AP3B2: variants seen among roughly 807,000 people sequenced by gnomAD.
The protein encoded by AP3B2 is adaptor related protein complex 3 subunit beta 2.
A neutral mutation model predicts 126.9 loss-of-function variants in AP3B2; 50 were observed. The observed-to-expected ratio is 0.39, with a 90% CI of 0.31 to 0.50. AP3B2 has a LOEUF of 0.50. Ranked by LOEUF, AP3B2 falls within the 20% of genes least tolerant of loss-of-function variation. The pLI is 0.79. For synonymous variants in AP3B2, 541 were observed against 565.0 expected (o/e 0.96, Z 0.60); for missense variants, 1,177 against 1,426.4 (o/e 0.83, Z 2.82).
chr15:82,669,455 A>T (rs556403220), intron 14 of AP3B2, among the ~76,000 whole-genome samples: 107 of 152,274 alleles, frequency 7.0e-4, no homozygotes, highest in African/African-American at 2.4e-3. Flanking sequence ...GCACTTTGGG[A>T]GGCCGAGGCA....
Position 82,680,597 on chromosome 15 carries a change from T to C in AP3B2, c.930A>G (p.Lys310=), listed in dbSNP as rs762083707. Residue 310 remains lysine (K), a synonymous_variant, in exon 8 of 27, where the codon AAA becomes AAG. Transcript: ENST00000535359. This position sits in a 1 kb window ranked among gnomAD's most constrained non-coding sequence, Gnocchi z 6.1. The part of the protein sequence containing the change: ...PDHRLLLRNT[K]PLLQSRSAAV... ...CGGCGCTGCGGCTCTGCAGCAGGGG[T>C]TTGGTGTTGCGCAGCAGCAGCCGGT... 3 of 1,593,972 alleles carry C rather than the reference T, an allele frequency of 1.9e-6. No individual in the cohort carries two copies. The South Asian group carries it at 3.3e-5, about 18-fold the overall frequency.
In AP3B2 at chr15:82,663,438, T is replaced by C. The variant is rs534204657; in HGVS notation, c.2497+122A>G. On this transcript the variant is annotated intron_variant, in intron 21 of 26. Coordinates refer to ENST00000535359, the MANE Select transcript of AP3B2 (RefSeq NM_001278512.2). ...TGCTGCCCTCTCAGGCCTGAAGATA[T>C]GTTCTGTCTGCTCCCCTGCTCCCAC... 7.0e-4 allele frequency: 834 copies of C among 1,196,072 alleles called. 8 individuals carry two copies. In the South Asian group the frequency reaches 0.01, roughly 15 times the overall value. The allele number at this position is 1,196,072 out of a possible 1,614,324, so 74.1% of individuals were successfully genotyped here. A position where few individuals can be genotyped will look rare whatever the true frequency, so the allele number is the denominator to read the frequency against.
At chr15:82,682,644 G>A (rs1409038094) in intron 4 of AP3B2, among the ~76,000 whole-genome samples, 1 of 151,792 alleles carries the variant, frequency 6.6e-6, no homozygotes, top group East Asian at 1.9e-4. Flanking sequence ...TGAGCCCAGG[G>A]AGTTGGAGGC....
chr15:82,659,457 T>G lies in AP3B2; in HGVS notation c.*103A>C. The G allele has an allele frequency of 5.5e-6, 8 of 1,453,240 alleles. No individual in the cohort carries two copies. Among genetic ancestry groups the G allele is most frequent in the Non-Finnish European group, 6.6e-6 (7 of 1,060,964 alleles). 90.0% of individuals were successfully genotyped at this position (1,453,240 alleles called of 1,614,324 possible). ...AGGACACCCTGAATGCTATCTGGCATGAGGAGGATGATGAGAGAGAGAGAG... is the reference window on the plus strand; with the variant it reads ...AGGACACCCTGAATGCTATCTGGCAGGAGGAGGATGATGAGAGAGAGAGAG... On this transcript the variant is annotated 3_prime_UTR_variant, in exon 27 of 27. Coordinates refer to ENST00000535359, the MANE Select transcript of AP3B2 (RefSeq NM_001278512.2).
intron 25 of AP3B2, among the ~76,000 whole-genome samples, chr15:82,660,504 C>T (rs1367738226): frequency 6.6e-6 from 1 of 152,184 alleles, no homozygotes; most frequent in Non-Finnish European, 1.5e-5. Context: ...AGCTCCAGAC[C>T]TAGCCAGGGC....
chr15:82,672,601 AAG>A (rs1328613602), intron 14 of AP3B2, among the ~76,000 whole-genome samples: 3 of 152,330 alleles, frequency 2.0e-5, no homozygotes, highest in Admixed American at 6.5e-5. Flanking sequence ...ATAAATAACT[AAG>A]AGAGTGTAAT....
chr15:82,685,571 C>T (rs1226938735), intron 4 of AP3B2: 1 of 152,202 alleles, frequency 6.6e-6, no homozygotes, highest in African/African-American at 2.4e-5. Flanking sequence ...GAAGGAGTCT[C>T]TGTTTTCTTA....
chr15:82,664,948 A>G lies in AP3B2; in HGVS notation c.2029-5T>C. The G allele has an allele frequency of 1.3e-6, 2 of 1,592,630 alleles. No homozygotes were observed. The highest frequency in any genetic ancestry group is 1.7e-6 in the Non-Finnish European group (2 of 1,165,796). ...GCACTTGGTCCATTCAGGTACCTGG[A>G]GATGGGGGTAGGGTGCAGGGTCATT... On this transcript the variant is annotated splice_polypyrimidine_tract_variant and splice_region_variant and intron_variant, in intron 17 of 26. Coordinates refer to ENST00000535359, the MANE Select transcript of AP3B2 (RefSeq NM_001278512.2). This position sits in a 1 kb window ranked among gnomAD's most constrained non-coding sequence, Gnocchi z 4.5.
intron 1 of AP3B2, among the ~76,000 whole-genome samples, chr15:82,701,019 A>G (rs963266407): frequency 4.6e-5 from 7 of 151,370 alleles, no homozygotes; most frequent in Admixed American, 3.9e-4. Context: ...CGTTACCACA[A>G]CTGGCTAATT....
In AP3B2 at chr15:82,663,109, C is replaced by A; in HGVS notation, c.2604+18G>T. ...TGTGTCCCTGCCCCAGCCCGGTCCCCTCCTCCATCCCACTCACCGACGGTA... is the reference window on the plus strand; with the variant it reads ...TGTGTCCCTGCCCCAGCCCGGTCCCATCCTCCATCCCACTCACCGACGGTA... On this transcript the variant is annotated intron_variant, in intron 22 of 26. Transcript: ENST00000535359. 1 of 1,596,322 alleles carries A rather than the reference C, an allele frequency of 6.3e-7. No individual in the cohort carries two copies. The highest frequency in any genetic ancestry group is 1.3e-5 in the African/African-American group (1 of 74,702).
intron 21 of AP3B2, 89 bp from the exon 22 acceptor site, chr15:82,663,322 G>C: frequency 3.5e-6 from 4 of 1,135,038 alleles, no homozygotes; most frequent in Non-Finnish European, 3.9e-6. Flanking sequence ...ACGCATTTCA[G>C]CACCATGGAC....
rs182507069 is a variant in AP3B2 at position 82,662,360 on chromosome 15, C to T, written c.2834-108G>A. On this transcript the variant is annotated intron_variant, in intron 23 of 26. Coordinates refer to ENST00000535359, the MANE Select transcript of AP3B2 (RefSeq NM_001278512.2). ...CTCTCCACTGTCACAGCTGACCAGCCCTCTACAGAATCTTGGCTTTCTTGG... is the reference window on the plus strand; with the variant it reads ...CTCTCCACTGTCACAGCTGACCAGCTCTCTACAGAATCTTGGCTTTCTTGG... 172 of 887,902 alleles carry T rather than the reference C, an allele frequency of 1.9e-4. No individual in the cohort carries two copies. In the African/African-American group the frequency reaches 2.6e-3, roughly 14 times the overall value. 55.0% of individuals were successfully genotyped at this position (887,902 alleles called of 1,614,324 possible). A position where few individuals can be genotyped will look rare whatever the true frequency, so the allele number is the denominator to read the frequency against.
chr15:82,660,304 G>A (rs1031597202), intron 25 of AP3B2, among the ~76,000 whole-genome samples: 3 of 151,954 alleles, frequency 2.0e-5, no homozygotes, highest in African/African-American at 4.8e-5. Context: ...TAAGAGGTTC[G>A]CCCATCCTGA....
rs144868162 is a variant in AP3B2, at chr15:82,708,536, C to A, written c.113+1058G>T. Among the ~76,000 whole-genome samples the A allele has an allele frequency of 1.6e-4, 25 of 152,286 alleles. No homozygotes were observed. The South Asian group carries it at 1.7e-3, about 10-fold the overall frequency. ...TGGTCTAGGCCACAATCATGCCAGGCCTGTGAACTTCAAGACCCACCTCCC... is the reference window on the plus strand; with the variant it reads ...TGGTCTAGGCCACAATCATGCCAGGACTGTGAACTTCAAGACCCACCTCCC... On this transcript the variant is annotated intron_variant, in intron 1 of 26. Transcript: ENST00000535359.
At chr15:82,673,629 A>T (rs12908713) in intron 14 of AP3B2, among the ~76,000 whole-genome samples, 122,984 of 152,180 alleles carry the variant, frequency 0.81, 50,385 homozygotes, top group African/African-American at 0.95. Flanking sequence ...AATAGACAAA[A>T]GTACAACTTC....
At chr15:82,676,675 G>T in intron 13 of AP3B2, 38 bp from the exon 14 acceptor site, 1 of 1,604,834 alleles carries the variant, frequency 6.2e-7, no homozygotes. Context: ...GGGTAAATAC[G>T]GGAAAGTGGG....
chr15:82,663,337 G>GCT, intron 21 of AP3B2, 104 bp from the exon 22 acceptor site: 1 of 1,060,372 alleles, frequency 9.4e-7, no homozygotes, highest in Non-Finnish European at 1.4e-6. Context: ...ATGGACAGCG[G>GCT]GGCACATGGC....
Position 82,659,631 on chromosome 15 carries a change from T to C in AP3B2, c.3235A>G (p.Thr1079Ala). ...ATCACCATTTTCTCGCTGTTGACAGTCAGCTGGGCAGCTCCAGCTGGCCGG... is the reference window on the plus strand; with the variant it reads ...ATCACCATTTTCTCGCTGTTGACAGCCAGCTGGGCAGCTCCAGCTGGCCGG... The part of the protein sequence containing the change: ...DARPAGAAQL[T>A]VNSEKMVIGT... The change falls in exon 27 of 27, where the codon ACT becomes GCT. Residue 1079 changes from threonine to alanine, a missense_variant. Thr to Ala is a moderately conservative substitution (Grantham distance 58, BLOSUM62 0). Around this residue, in one of 5 missense-constraint regions of AP3B2, gnomAD observed 587 missense variants for 571.3 expected, o/e 1.03. Coordinates refer to ENST00000535359, the MANE Select transcript of AP3B2 (RefSeq NM_001278512.2). 6.2e-7 allele frequency: 1 copy of C among 1,613,926 alleles called. No homozygotes were observed. The highest frequency in any genetic ancestry group is 8.5e-7 in the Non-Finnish European group (1 of 1,179,844).
At chr15:82,690,699 G>A (rs2048514568) in intron 1 of AP3B2, among the ~76,000 whole-genome samples, 1 of 123,524 alleles carries the variant, frequency 8.1e-6, no homozygotes, top group Non-Finnish European at 1.7e-5. Context: ...TGTCGCCCAG[G>A]CTGGAGTGCA....
Sources: gnomAD v4.1 joint callset for allele counts (sites outside exome capture counted in the v4.1 genomes callset) on GRCh38, gnomAD v4.1.1 for gene constraint, gnomAD v4.1.1 regional missense constraint, Gnocchi (gnomAD v3.1) non-coding constraint, MANE v1.5 for transcripts, NCBI Gene and HGNC (gene_info 2026-07-23, HGNC 2026-07-21) for gene names.